The following DHX29 variants were observed in gnomAD, a reference collection of about 807,000 sequenced individuals.
DHX29 encodes ATP-dependent RNA helicase DHX29.
In DHX29, 79 loss-of-function variants were observed where a neutral mutation model predicts 167.9. The observed-to-expected ratio is 0.47, with a 90% CI of 0.39 to 0.57. The LOEUF (loss-of-function observed/expected upper bound fraction) is 0.57, where lower values mean the gene tolerates loss of function less well. Ranked by LOEUF, DHX29 falls within the 20% of genes least tolerant of loss-of-function variation. The pLI is 0.00. For missense variants in DHX29, 1,347 were observed against 1,593.4 expected (o/e 0.85, Z 2.63); for synonymous variants, 530 against 546.0 (o/e 0.97, Z 0.41).
intron 8 of DHX29, among the ~76,000 whole-genome samples, chr5:55,287,602 A>G (rs937067714): frequency 2.0e-5 from 3 of 152,222 alleles, no homozygotes; most frequent in African/African-American, 7.2e-5. Context: ...AAAAACAATT[A>G]ACTAAAAAAC....
intron 1 of DHX29, among the ~76,000 whole-genome samples, chr5:55,303,329 T>C (rs1748700712): frequency 6.6e-6 from 1 of 152,284 alleles, no homozygotes; most frequent in South Asian, 2.1e-4. Flanking sequence ...ACAGGGACTC[T>C]GGTGGTAAAC....
In DHX29 at chr5:55,307,642, T is replaced by C. The variant is rs748729346; in HGVS notation, c.-69A>G. 7 of 1,562,056 alleles carry C rather than the reference T, an allele frequency of 4.5e-6. No homozygotes were observed. Among genetic ancestry groups the C allele is most frequent in the African/African-American group, 1.4e-5 (1 of 72,964 alleles). On this transcript the variant is annotated 5_prime_UTR_variant, in exon 1 of 27. Coordinates refer to ENST00000251636, the MANE Select transcript of DHX29 (RefSeq NM_019030.4). ...GGTACCACTGCACAGCCGAGAGCTC[T>C]TCACATTCCCCGGCTCCGGGGCTGC...
chr5:55,306,426 C>A (rs544677712), intron 1 of DHX29, among the ~76,000 whole-genome samples: 1 of 152,284 alleles, frequency 6.6e-6, no homozygotes, highest in Non-Finnish European at 1.5e-5. Context: ...CAGACACCAT[C>A]CATGATACCT....
chr5:55,257,658 G>A (rs2111765906), intron 26 of DHX29, among the ~76,000 whole-genome samples: 1 of 152,302 alleles, frequency 6.6e-6, no homozygotes, highest in Non-Finnish European at 1.5e-5. Flanking sequence ...TTCAGTTACT[G>A]TTTTTCAAAT....
chr5:55,271,874 G>A (rs1746868848), intron 18 of DHX29, among the ~76,000 whole-genome samples: 1 of 151,986 alleles, frequency 6.6e-6, no homozygotes, highest in Admixed American at 6.6e-5. Context: ...GCAGTATACT[G>A]GTATTACTTA....
intron 23 of DHX29, among the ~76,000 whole-genome samples, chr5:55,265,094 G>GAAAAAAAA (rs11336502): frequency 7.3e-6 from 1 of 136,460 alleles, no homozygotes; most frequent in East Asian, 2.2e-4. Context: ...AAAGAAAAAA[G>GAAAAAAAA]AAAAAAAAAA....
chr5:55,283,180 G>C, intron 11 of DHX29, 23 bp downstream of exon 11: 2 of 1,556,670 alleles, frequency 1.3e-6, no homozygotes, highest in Non-Finnish European at 1.7e-6. Context: ...CATTCACTGA[G>C]GTGGAGTTGA....
rs746561715 is a variant in DHX29 at position 55,283,442 on chromosome 5, T to C, written c.1726A>G (p.Lys576Glu). The C allele has an allele frequency of 6.2e-7, 1 of 1,614,224 alleles. No homozygotes were observed. The highest frequency in any genetic ancestry group is 8.5e-7 in the Non-Finnish European group (1 of 1,180,030). ...GTTTCAACAATTGAGTCCCGATGTT[T>C]AAATACAGGTAGCTGTTGTCTTTCC... is the stretch of plus-strand genomic sequence containing the variant. ...LKERQQLPVF[K>E]HRDSIVETLK... Residue 576 changes from lysine to glutamate, a missense_variant, in exon 11 of 27, where the codon AAA becomes GAA. Around this residue, in one of 3 missense-constraint regions of DHX29, gnomAD observed 882 missense variants for 1,082.4 expected, o/e 0.81. Transcript: ENST00000251636.
chr5:55,269,243 CAA>C (rs34353606), intron 21 of DHX29, among the ~76,000 whole-genome samples, 168 bp downstream of exon 21: 85 of 72,648 alleles, frequency 1.2e-3, no homozygotes, highest in African/African-American at 2.9e-3. Context: ...GACCCTGTCT[CAA>C]AAAAAAAAAA....
chr5:55,296,168 A>G lies in DHX29; in HGVS notation c.505+52T>C, dbSNP rs1361641897. 5 of 1,553,964 alleles carry G rather than the reference A, an allele frequency of 3.2e-6. No individual in the cohort carries two copies. The Admixed American group carries it at 7.8e-5, about 24-fold the overall frequency. On this transcript the variant is annotated intron_variant, in intron 4 of 26. Coordinates refer to ENST00000251636, the MANE Select transcript of DHX29 (RefSeq NM_019030.4). Reference sequence around the variant, plus strand: ...GAGCCAAAAGGTTGATACAAATACCAAAACTACTTCAAAAGGTTTAGAAAC... The same window carrying G: ...GAGCCAAAAGGTTGATACAAATACCGAAACTACTTCAAAAGGTTTAGAAAC...
rs766045493 is a variant in DHX29 at position 55,283,323 on chromosome 5, T to G, written c.1845A>C (p.Leu615=). The G allele has an allele frequency of 1.9e-6, 3 of 1,614,078 alleles. No homozygotes were observed. Among genetic ancestry groups the G allele is most frequent in the Non-Finnish European group, 2.5e-6 (3 of 1,180,012 alleles). ...TACATTTACTTGCTTCCCACTCATT[T>G]AGAAGCAAATCTTCCAATAGAAAAT... The part of the protein sequence containing the change: ...VPHFLLEDLL[L]NEWEASKCNI... Residue 615 remains leucine, a synonymous_variant, in exon 11 of 27, where the codon CTA becomes CTC. Transcript: ENST00000251636.
At position 55,294,077 on chromosome 5, in the gene DHX29, T is replaced by G; in HGVS notation, c.720A>C (p.Gln240His). 1.9e-6 allele frequency: 3 copies of G among 1,608,694 alleles called. No homozygotes were observed. Among genetic ancestry groups the G allele is most frequent in the African/African-American group, 2.7e-5 (2 of 74,872 alleles). ...AATTCTCATTCTTTTCTTCTTCATT[T>G]TGTTGTTCAGCATATCGTAAAATCC... ...KEWILRYAEQ[Q>H]NEEEKNENSK... is the part of the protein sequence containing the mutation. Residue 240 changes from glutamine (Q) to histidine (H), a missense_variant, in exon 6 of 27, where the codon CAA (glutamine) becomes CAC (histidine). Transcript: ENST00000251636.
At chr5:55,287,428 G>A (rs959789269) in intron 8 of DHX29, among the ~76,000 whole-genome samples, 4 of 152,014 alleles carry the variant, frequency 2.6e-5, no homozygotes, top group African/African-American at 9.7e-5. Context: ...GTGACAGAGT[G>A]AAGGTCTGTC....
At chr5:55,273,646 A>C (rs2111840388) in intron 16 of DHX29, among the ~76,000 whole-genome samples, 1 of 152,316 alleles carries the variant, frequency 6.6e-6, no homozygotes, top group African/African-American at 2.4e-5. Flanking sequence ...AGTAGTAATA[A>C]ACTCTATCAA....
At chr5:55,285,970 T>A in intron 8 of DHX29, 109 bp from the exon 9 acceptor site, 1 of 852,684 alleles carries the variant, frequency 1.2e-6, no homozygotes, top group Non-Finnish European at 1.7e-6. Context: ...AGATAATACT[T>A]GAGGCCAGGT....
chr5:55,273,538 T>C, intron 16 of DHX29, 161 bp from the exon 17 acceptor site: 3 of 797,044 alleles, frequency 3.8e-6, no homozygotes, highest in Non-Finnish European at 5.2e-6. Flanking sequence ...TGAAACCTCA[T>C]ATACATGCAT....
chr5:55,265,036 C>T (rs1320974418), intron 23 of DHX29, among the ~76,000 whole-genome samples: 1 of 150,292 alleles, frequency 6.7e-6, no homozygotes, highest in African/African-American at 2.5e-5. Context: ...ATCTAGCTGG[C>T]CCCATTGATA....
Position 55,283,289 on chromosome 5 carries a change from A to C in DHX29, c.1879T>G (p.Cys627Gly). The change falls in exon 11 of 27, where the codon TGT becomes GGT. Residue 627 changes from cysteine to glycine, a missense_variant. Around this residue, in one of 3 missense-constraint regions of DHX29, gnomAD observed 882 missense variants for 1,082.4 expected, o/e 0.81. Transcript: ENST00000251636. ...EWEASKCNIV[C>G]TQPRRISAVS... ...GCTGAGATTCTTCGGGGTTGGGTAC[A>C]GACAATGTTACATTTACTTGCTTCC... The C allele has an allele frequency of 6.2e-7, 1 of 1,614,164 alleles. No individual in the cohort carries two copies. The highest frequency in any genetic ancestry group is 1.1e-5 in the South Asian group (1 of 91,082).
At chr5:55,268,003 T>C (rs1256363206) in intron 21 of DHX29, among the ~76,000 whole-genome samples, 181 bp from the exon 22 acceptor site, 1 of 152,186 alleles carries the variant, frequency 6.6e-6, no homozygotes, top group Non-Finnish European at 1.5e-5. Context: ...AAATATTCTA[T>C]AGCTAACTTA....
Sources: allele counts gnomAD v4.1 joint callset (sites outside exome capture counted in the v4.1 genomes callset), GRCh38; gene constraint gnomAD v4.1.1; regional missense constraint gnomAD v4.1.1; transcripts MANE v1.5; gene names NCBI Gene and HGNC (gene_info 2026-07-23, HGNC 2026-07-21).